Variants in KAZN observed in about 807,000 individuals in gnomAD.
KAZN encodes the protein kazrin, periplakin interacting protein, also known as kazrin.
KAZN carries 40 observed loss-of-function variants against 87.4 expected under a neutral mutation model. That is an observed-to-expected ratio of 0.46 (90% CI 0.36 to 0.60). KAZN has a LOEUF of 0.60. Ranked by LOEUF, KAZN falls within the 20% of genes least tolerant of loss-of-function variation. KAZN has a pLI of 0.00. For missense variants in KAZN, 898 were observed against 1,073.9 expected, an observed-to-expected ratio of 0.84 and a Z score of 2.29; for synonymous variants, 466 against 458.3, an observed-to-expected ratio of 1.02 and a Z score of -0.22.
intron 1 of KAZN, among the ~76,000 whole-genome samples, chr1:14,097,765 A>C (rs1644161059): frequency 6.6e-6 from 1 of 152,214 alleles, no homozygotes; most frequent in African/African-American, 2.4e-5. Context: ...GATATGCTTA[A>C]CTTGACTAGC....
intron 1 of KAZN, among the ~76,000 whole-genome samples, chr1:14,901,703 G>T (rs1402734500): frequency 6.6e-6 from 1 of 152,150 alleles, no homozygotes; most frequent in African/African-American, 2.4e-5. Flanking sequence ...GTCCATCCAG[G>T]TCACATCCCC....
Position 15,043,974 on chromosome 1 carries a change from C to A in KAZN, c.556-15C>A. ...CTGTAACACCCACGGTGCTCTCTCCCTCTCCCACCCACAGGAGAGCGAGGA... is the reference window on the plus strand; with the variant it reads ...CTGTAACACCCACGGTGCTCTCTCCATCTCCCACCCACAGGAGAGCGAGGA... On this transcript the variant is annotated splice_polypyrimidine_tract_variant and intron_variant, in intron 3 of 14. Transcript: ENST00000376030. The A allele has an allele frequency of 1.3e-6, 2 of 1,597,966 alleles. No individual in the cohort carries two copies.
intron 2 of KAZN, among the ~76,000 whole-genome samples, chr1:15,031,053 A>G (rs921269534): frequency 4.4e-4 from 67 of 152,326 alleles, no homozygotes; most frequent in East Asian, 7.7e-4. Context: ...TCATGTACAC[A>G]GGCTGAGTCT....
chr1:14,842,097 ATGC>A (rs1164821407), intron 1 of KAZN, among the ~76,000 whole-genome samples: 1 of 152,050 alleles, frequency 6.6e-6, no homozygotes. Context: ...TTTCTCACTT[ATGC>A]TATCTTTTGC....
At chr1:14,533,653 C>T (rs1271957407) in intron 2 of KAZN, among the ~76,000 whole-genome samples, 2 of 152,158 alleles carry the variant, frequency 1.3e-5, no homozygotes, top group African/African-American at 4.8e-5. Context: ...ATCCCGTTTG[C>T]TCCTTGCTTG....
At chr1:14,772,961 C>T (rs545077968) in intron 1 of KAZN, among the ~76,000 whole-genome samples, 25 of 152,114 alleles carry the variant, frequency 1.6e-4, no homozygotes, top group East Asian at 5.8e-4. Context: ...GCAGCTTCTG[C>T]GCAGTTGAGT....
chr1:14,524,096 A>T (rs879453712), intron 2 of KAZN, among the ~76,000 whole-genome samples: 1 of 152,004 alleles, frequency 6.6e-6, no homozygotes, highest in Admixed American at 6.6e-5. Flanking sequence ...AGCTCGGCTC[A>T]CTGCAACCTC....
intron 1 of KAZN, among the ~76,000 whole-genome samples, chr1:14,732,507 C>T (rs1198110247): frequency 6.6e-6 from 1 of 152,052 alleles, no homozygotes; most frequent in Non-Finnish European, 1.5e-5. Context: ...GGTATGGTGA[C>T]ACATGCCTGT....
intron 1 of KAZN, among the ~76,000 whole-genome samples, chr1:14,656,336 C>G (rs920042018): frequency 6.6e-6 from 1 of 152,156 alleles, no homozygotes; most frequent in African/African-American, 2.4e-5. Context: ...GTCCCAGAAG[C>G]CTTAGTTCCA....
chr1:14,639,306 A>G (rs1339976364), intron 1 of KAZN, among the ~76,000 whole-genome samples: 4 of 152,214 alleles, frequency 2.6e-5, no homozygotes, highest in African/African-American at 4.8e-5. Flanking sequence ...CCCCACTGAG[A>G]GTCCCCAGCC....
chr1:14,621,558 G>T (rs996284914), intron 1 of KAZN, among the ~76,000 whole-genome samples: 3 of 152,154 alleles, frequency 2.0e-5, no homozygotes, highest in Admixed American at 2.0e-4. Flanking sequence ...CAGAAGACAA[G>T]AAAATAGCAA....
chr1:15,114,379 G>A, intron 14 of KAZN, 92 bp from the exon 15 acceptor site: 1 of 1,025,198 alleles, frequency 9.8e-7, no homozygotes, highest in Non-Finnish European at 1.5e-6. Context: ...CTCAATCACA[G>A]AGCAATTAGA....
chr1:14,062,527 G>T (rs1318636541), intron 1 of KAZN, among the ~76,000 whole-genome samples: 3 of 152,104 alleles, frequency 2.0e-5, no homozygotes, highest in African/African-American at 7.2e-5. Flanking sequence ...ATTGCAAAAG[G>T]CTGTATTGGG....
chr1:15,019,545 C>T (rs79975272), intron 2 of KAZN, among the ~76,000 whole-genome samples: 14 of 151,884 alleles, frequency 9.2e-5, no homozygotes, highest in Admixed American at 5.2e-4. Flanking sequence ...CCCGCCACCA[C>T]GCCAAGCTAA....
intron 2 of KAZN, among the ~76,000 whole-genome samples, chr1:14,308,095 G>C (rs1382877817): frequency 2.0e-5 from 3 of 152,136 alleles, no homozygotes; most frequent in Admixed American, 2.0e-4. Context: ...GAAACACAAA[G>C]AAAGACAAAG....
intron 4 of KAZN, among the ~76,000 whole-genome samples, chr1:15,055,402 G>A (rs1372295625): frequency 1.3e-5 from 2 of 152,132 alleles, no homozygotes; most frequent in Non-Finnish European, 2.9e-5. Context: ...GCTTGAACCC[G>A]GGAGGCGGAG....
At chr1:14,237,216 G>A (rs1557583996) in intron 2 of KAZN, among the ~76,000 whole-genome samples, 3 of 152,102 alleles carry the variant, frequency 2.0e-5, no homozygotes, top group African/African-American at 4.8e-5. Flanking sequence ...TATTCTTAAC[G>A]TGAAAACTGT....
intron 2 of KAZN, among the ~76,000 whole-genome samples, chr1:14,497,195 A>G (rs1266913175): frequency 6.6e-6 from 1 of 152,080 alleles, no homozygotes; most frequent in Non-Finnish European, 1.5e-5. Context: ...CACCCTTTAC[A>G]CTCAGAGATT....
chr1:14,720,808 C>T (rs772066929), intron 1 of KAZN, among the ~76,000 whole-genome samples: 6 of 152,110 alleles, frequency 3.9e-5, no homozygotes, highest in African/African-American at 7.2e-5. Flanking sequence ...CGTCTGCCTA[C>T]CAGGTTCAAG....
Sources: allele counts gnomAD v4.1 joint callset (sites outside exome capture counted in the v4.1 genomes callset), GRCh38; gene constraint gnomAD v4.1.1; transcripts MANE v1.5; gene names NCBI Gene and HGNC (gene_info 2026-07-23, HGNC 2026-07-21).